GALNT16: variants seen among roughly 807,000 people sequenced by gnomAD.
GALNT16 encodes the protein UDP-GalNAc:polypeptide N-acetylgalactosaminyltransferase-like protein 1.
Under a neutral mutation model 76.1 loss-of-function variants are expected in GALNT16, and 40 were observed. The observed-to-expected ratio is 0.53, with a 90% CI of 0.41 to 0.68. The LOEUF (loss-of-function observed/expected upper bound fraction) is 0.68, where lower values mean the gene tolerates loss of function less well. GALNT16 is among the 30% of genes least tolerant of loss of function. GALNT16 has a pLI of 0.00. For synonymous variants in GALNT16, 276 were observed against 285.2 expected (o/e 0.97, Z 0.32); for missense variants, 621 against 731.9 (o/e 0.85, Z 1.75).
intron 9 of GALNT16, among the ~76,000 whole-genome samples, chr14:69,337,568 G>A (rs1316167953): frequency 1.3e-5 from 2 of 152,304 alleles, no homozygotes; most frequent in East Asian, 1.9e-4. Flanking sequence ...CCAGTTCTAC[G>A]CCTTAGTTGC....
intron 1 of GALNT16, among the ~76,000 whole-genome samples, chr14:69,269,183 G>A (rs552429740): frequency 1.3e-5 from 2 of 152,258 alleles, no homozygotes; most frequent in African/African-American, 4.8e-5. Flanking sequence ...AAAAGCGTTG[G>A]TTCCTAAGGA....
chr14:69,371,231 C>G, the GALNT16 span, among the ~76,000 whole-genome samples: 1 of 151,928 alleles, frequency 6.6e-6, no homozygotes, highest in Non-Finnish European at 1.5e-5. Context: ...AGACTTCTTT[C>G]TGGTAGTATT....
At chr14:69,290,037 C>A (rs2044669882) in intron 1 of GALNT16, among the ~76,000 whole-genome samples, 1 of 152,172 alleles carries the variant, frequency 6.6e-6, no homozygotes, top group Non-Finnish European at 1.5e-5. Context: ...CCACGCCTGG[C>A]CTGTTCTGAG....
intron 6 of GALNT16, among the ~76,000 whole-genome samples, chr14:69,330,344 C>T (rs1200215999): frequency 2.0e-5 from 3 of 152,196 alleles, no homozygotes; most frequent in Admixed American, 6.5e-5. Context: ...TATATGATTC[C>T]TTTCATAGGA....
chr14:69,350,458 T>A (rs1276360895), intron 14 of GALNT16: 1 of 152,146 alleles, frequency 6.6e-6, no homozygotes, highest in East Asian at 1.9e-4. Context: ...TTGGCCTACA[T>A]GAGGTAAATG....
At chr14:69,322,948 G>A (rs1236633051) in intron 2 of GALNT16, among the ~76,000 whole-genome samples, 1 of 69,812 alleles carries the variant, frequency 1.4e-5, no homozygotes, top group Admixed American at 1.5e-4. Flanking sequence ...GTGTGTGTGT[G>A]TGTGTGTGTG....
At chr14:69,363,491 A>T in the GALNT16 span, among the ~76,000 whole-genome samples, 7 of 152,208 alleles carry the variant, frequency 4.6e-5, no homozygotes, top group Admixed American at 6.5e-5. Flanking sequence ...CAAAGCAGGG[A>T]TAATAATAAC....
intron 1 of GALNT16, among the ~76,000 whole-genome samples, chr14:69,296,543 A>G (rs2044761429): frequency 6.6e-6 from 1 of 152,062 alleles, no homozygotes; most frequent in South Asian, 2.1e-4. Context: ...AAATATAAAA[A>G]TTAGCCTGGC....
intron 1 of GALNT16, among the ~76,000 whole-genome samples, chr14:69,289,928 A>G (rs1286691528): frequency 1.3e-5 from 2 of 152,000 alleles, no homozygotes; most frequent in Non-Finnish European, 2.9e-5. Context: ...TAATAGAGAC[A>G]GGGTTTCACC....
chr14:69,294,134 C>T (rs952637418), intron 1 of GALNT16, among the ~76,000 whole-genome samples: 1 of 151,434 alleles, frequency 6.6e-6, no homozygotes, highest in South Asian at 2.1e-4. Context: ...GTGATCCACC[C>T]GCCTTGGCCT....
chr14:69,277,780 A>G (rs2044492374), intron 1 of GALNT16, among the ~76,000 whole-genome samples: 1 of 152,188 alleles, frequency 6.6e-6, no homozygotes. Context: ...CTAGTTCTAG[A>G]TCCTTGGGGA....
chr14:69,351,786 A>T (rs1421848255), intron 14 of GALNT16: 3 of 384,422 alleles, frequency 7.8e-6, no homozygotes, highest in African/African-American at 2.1e-5. Context: ...GGTGGCATGC[A>T]GGTGTAGTCC....
intron 1 of GALNT16, among the ~76,000 whole-genome samples, chr14:69,267,208 A>G (rs765657795): frequency 6.6e-6 from 1 of 152,022 alleles, no homozygotes; most frequent in Non-Finnish European, 1.5e-5. Flanking sequence ...ACACCCCTAA[A>G]CTTCAGATGC....
rs535390067 is a variant in GALNT16 at position 69,261,804 on chromosome 14, CG to C, written c.177+1344del. Among the ~76,000 whole-genome samples the C allele has an allele frequency of 5.9e-5, 9 of 151,930 alleles. No homozygotes were observed. Among genetic ancestry groups the C allele is most frequent in the South Asian group, 2.1e-4 (1 of 4,820 alleles). On this transcript the variant is annotated intron_variant, in intron 1 of 14. Coordinates refer to ENST00000448469, the MANE Select transcript of GALNT16 (RefSeq NM_001168368.2). This position sits in a 1 kb window ranked among gnomAD's most constrained non-coding sequence, Gnocchi z 6.4. ...GGGCTTTGCCTGAGGAGACCTGGGG[CG>C]GGGGGGTGAGGTTGTGGGTTTTGTC...
chr14:69,263,623 A>G (rs2044303976), intron 1 of GALNT16, among the ~76,000 whole-genome samples: 1 of 152,188 alleles, frequency 6.6e-6, no homozygotes, highest in East Asian at 1.9e-4. Context: ...TGCTTTCACA[A>G]TGTCTGGACT....
chr14:69,351,362 C>G (rs1253938202), intron 14 of GALNT16: 1 of 152,224 alleles, frequency 6.6e-6, no homozygotes, highest in African/African-American at 2.4e-5. Context: ...TCCTCAGCCC[C>G]AGCAACTGAT....
intron 13 of GALNT16, 106 bp downstream of exon 13, chr14:69,347,287 A>G: frequency 8.4e-7 from 1 of 1,193,282 alleles, no homozygotes; most frequent in Non-Finnish European, 1.1e-6. Flanking sequence ...TCTACATCTT[A>G]CACAAACCCA....
At chr14:69,313,958 C>T (rs2045064660) in intron 1 of GALNT16, among the ~76,000 whole-genome samples, 2 of 152,210 alleles carry the variant, frequency 1.3e-5, no homozygotes, top group Admixed American at 1.3e-4. Context: ...ATTAGCCCCT[C>T]ACCATCATGA....
chr14:69,326,936 G>A (rs181860165), intron 5 of GALNT16, among the ~76,000 whole-genome samples: 9 of 152,298 alleles, frequency 5.9e-5, no homozygotes, highest in African/African-American at 1.9e-4. Context: ...CCCTTCCTGC[G>A]AGACCCCAGG....
Sources: gnomAD v4.1 joint callset for allele counts (sites outside exome capture counted in the v4.1 genomes callset) on GRCh38, gnomAD v4.1.1 for gene constraint, Gnocchi (gnomAD v3.1) non-coding constraint, MANE v1.5 for transcripts, NCBI Gene and HGNC (gene_info 2026-07-23, HGNC 2026-07-21) for gene names.